Variants in STK24 observed in about 807,000 individuals in gnomAD.
STK24 encodes serine/threonine-protein kinase 24.
In STK24, 21 loss-of-function variants were observed where a neutral mutation model predicts 55.6. The ratio of observed to expected loss-of-function variants is 0.38; its 90% CI spans 0.27 to 0.54. STK24 has a LOEUF of 0.54. Among genes scored for constraint, STK24 ranks in the 20% least tolerant of loss-of-function variants. The pLI is 0.79. For missense variants in STK24, 383 were observed against 538.4 expected (o/e 0.71, Z 2.86); for synonymous variants, 200 against 215.2 (o/e 0.93, Z 0.62).
chr13:98,474,752 G>T, intron 5 of STK24, 69 bp downstream of exon 5: 1 of 1,519,958 alleles, frequency 6.6e-7, no homozygotes. Context: ...AAGCTACCAG[G>T]CTAAAGAACA....
intron 1 of STK24, among the ~76,000 whole-genome samples, chr13:98,541,110 A>T (rs1896878082): frequency 6.6e-6 from 1 of 152,238 alleles, no homozygotes; most frequent in African/African-American, 2.4e-5. Context: ...CCTTAGTTAT[A>T]GACTAAGAGA....
Position 98,445,339 on chromosome 13 carries a change from G to T in STK24, c.*7834C>A, listed in dbSNP as rs895849911. 1 of 152,278 alleles carries T rather than the reference G, an allele frequency of 6.6e-6. No individual in the cohort carries two copies. Among genetic ancestry groups the T allele is most frequent in the African/African-American group, 2.4e-5 (1 of 41,468 alleles). 9.4% of individuals were successfully genotyped at this position (152,278 alleles called of 1,614,324 possible). A position where few individuals can be genotyped will look rare whatever the true frequency, so the allele number is the denominator to read the frequency against. ...GCTGGTGATGTCACTTTGGCAAAGG[G>T]ACGAAATGAGCCACCAGTGCGTCAG... On this transcript the variant is annotated 3_prime_UTR_variant, in exon 11 of 11. Coordinates refer to ENST00000539966, the MANE Select transcript of STK24 (RefSeq NM_001032296.4).
At chr13:98,537,076 A>G (rs1434507262) in intron 1 of STK24, among the ~76,000 whole-genome samples, 1 of 152,176 alleles carries the variant, frequency 6.6e-6, no homozygotes, top group Admixed American at 6.5e-5. Context: ...TCACCCAGGG[A>G]GAGAGCCAGG....
rs1348117880 is a variant in STK24 at position 98,535,370 on chromosome 13, A to ATATAT, written c.43-15898_43-15897insATATA. ...CAAACAAACAAACAAACAAAAAAAA[A>ATATAT]ATATATATATATATATATATGTGTG... On this transcript the variant is annotated intron_variant, in intron 1 of 10. Transcript: ENST00000539966. Among the ~76,000 whole-genome samples, 54 of 55,950 alleles carry ATATAT rather than the reference A, an allele frequency of 9.7e-4. 2 individuals are homozygous for ATATAT. Among genetic ancestry groups the ATATAT allele is most frequent in the Middle Eastern group, 9.1e-3 (1 of 110 alleles). 36.7% of individuals were successfully genotyped at this position (55,950 alleles called of 152,430 possible).
intron 2 of STK24, among the ~76,000 whole-genome samples, chr13:98,506,343 T>C (rs756012337): frequency 4.6e-5 from 7 of 152,154 alleles, no homozygotes; most frequent in Non-Finnish European, 8.8e-5. Flanking sequence ...GACAGCTGGA[T>C]TCCTAATAAC....
At chr13:98,571,518 G>C (rs1184831508) in intron 1 of STK24, among the ~76,000 whole-genome samples, 9 of 152,054 alleles carry the variant, frequency 5.9e-5, no homozygotes, top group South Asian at 4.2e-4. Flanking sequence ...CCAAAAGTTT[G>C]GGTTTTTCTA....
chr13:98,523,907 C>A (rs189036310), intron 1 of STK24, among the ~76,000 whole-genome samples: 122 of 152,322 alleles, frequency 8.0e-4, no homozygotes, highest in Non-Finnish European at 1.1e-3. Flanking sequence ...TAGGTCAGAA[C>A]TGCTGCAGCC....
Position 98,448,269 on chromosome 13 carries a change from T to G in STK24, c.*4904A>C. On this transcript the variant is annotated 3_prime_UTR_variant, in exon 11 of 11. Transcript: ENST00000539966. ...AAGTGATCCGCAGTGCCACCAGCTCTGCCTCGCGACCCCACGTGTTGAGTC... is the reference window on the plus strand; with the variant it reads ...AAGTGATCCGCAGTGCCACCAGCTCGGCCTCGCGACCCCACGTGTTGAGTC... 1 of 1,614,174 alleles carries G rather than the reference T, an allele frequency of 6.2e-7. No homozygotes were observed. Among genetic ancestry groups the G allele is most frequent in the Non-Finnish European group, 8.5e-7 (1 of 1,179,978 alleles).
rs1410371099 is a variant in STK24, at chr13:98,450,941, C to G, written c.*2232G>C. The G allele has an allele frequency of 6.6e-6, 1 of 152,234 alleles. No homozygotes were observed. The highest frequency in any genetic ancestry group is 1.5e-5 in the Non-Finnish European group (1 of 68,064). The allele number at this position is 152,234 out of a possible 1,614,324, so 9.4% of individuals were successfully genotyped here. ...GCTTTCTAACTCCATCAAACCCCAC[C>G]TCCCCCGACAGGAAATGCTGCCAGT... is the stretch of plus-strand genomic sequence containing the variant. On this transcript the variant is annotated 3_prime_UTR_variant, in exon 11 of 11. Coordinates refer to ENST00000539966, the MANE Select transcript of STK24 (RefSeq NM_001032296.4).
intron 5 of STK24, among the ~76,000 whole-genome samples, chr13:98,469,204 C>T (rs1299215459): frequency 1.3e-5 from 2 of 152,314 alleles, no homozygotes; most frequent in Admixed American, 6.5e-5. Flanking sequence ...ACGCAACCCA[C>T]GTATCAGTCT....
chr13:98,542,853 C>T (rs1476035047), intron 1 of STK24: 8 of 979,542 alleles, frequency 8.2e-6, no homozygotes, highest in Admixed American at 6.4e-5. Context: ...CCTGTATGTC[C>T]GTAAGAGGTC....
rs532915649 is a variant in STK24 at position 98,484,243 on chromosome 13, G to A, written c.274-1922C>T. On this transcript the variant is annotated intron_variant, in intron 2 of 10. Coordinates refer to ENST00000539966, the MANE Select transcript of STK24 (RefSeq NM_001032296.4). ...CTGGGGAATGGGTATGCCACAGTAA[G>A]CTCTTCCAGGAAAACACCAGTATCT... Among the ~76,000 whole-genome samples, 10 of 152,304 alleles carry A rather than the reference G, an allele frequency of 6.6e-5. No homozygotes were observed. The East Asian group carries it at 1.7e-3, about 26-fold the overall frequency.
chr13:98,461,416 T>C (rs1294532332), intron 8 of STK24, among the ~76,000 whole-genome samples: 2 of 152,190 alleles, frequency 1.3e-5, no homozygotes, highest in Non-Finnish European at 2.9e-5. Context: ...CACAAAATTA[T>C]GATATGTATG....
At chr13:98,524,920 C>T (rs993506198) in intron 1 of STK24, among the ~76,000 whole-genome samples, 1 of 152,248 alleles carries the variant, frequency 6.6e-6, no homozygotes, top group Non-Finnish European at 1.5e-5. Context: ...TGCTCAAGCA[C>T]GGCGACTTTC....
At position 98,457,316 on chromosome 13, in the gene STK24, CGAACAG is replaced by C. The variant is rs761329948; in HGVS notation, c.1123-18_1123-13del. 6.2e-7 allele frequency: 1 copy of C among 1,613,974 alleles called. No homozygotes were observed. On this transcript the variant is annotated splice_polypyrimidine_tract_variant and intron_variant, in intron 9 of 10. Transcript: ENST00000539966. ...CTCTTCTCCTTCAACTGAAAACACA[CGAACAG>C]GAAGAATGGCATGAAGCACACCAGC... is the stretch of plus-strand genomic sequence containing the variant.
intron 1 of STK24, among the ~76,000 whole-genome samples, chr13:98,546,179 C>T (rs1161830475): frequency 1.3e-5 from 2 of 152,168 alleles, no homozygotes; most frequent in Admixed American, 6.5e-5. Flanking sequence ...ATGCCTAGTG[C>T]CACCCCCACT....
intron 1 of STK24, among the ~76,000 whole-genome samples, chr13:98,575,600 G>A (rs1284044963): frequency 1.3e-5 from 2 of 152,184 alleles, no homozygotes; most frequent in African/African-American, 2.4e-5. Context: ...GCAGACCCCA[G>A]AGGCAGTCCC....
chr13:98,576,892 G>C lies in STK24; in HGVS notation c.-106C>G. 93 of 645,438 alleles carry C rather than the reference G, an allele frequency of 1.4e-4. No individual in the cohort carries two copies. Among genetic ancestry groups the C allele is most frequent in the Non-Finnish European group, 1.6e-4 (85 of 524,134 alleles). The allele number at this position is 645,438 out of a possible 1,614,324, so 40.0% of individuals were successfully genotyped here. The stretch of plus-strand genomic sequence containing the variant: ...GCGCAGCCCTCGGGCGGCGGGGCCG[G>C]CCGGAGCCCGAGGCCACCCCAGCCC... On this transcript the variant is annotated 5_prime_UTR_variant, in exon 1 of 11. Coordinates refer to ENST00000539966, the MANE Select transcript of STK24 (RefSeq NM_001032296.4).
chr13:98,549,205 T>TA (rs528966451), intron 1 of STK24, among the ~76,000 whole-genome samples: 38 of 152,338 alleles, frequency 2.5e-4, no homozygotes, highest in Non-Finnish European at 4.6e-4. Flanking sequence ...ACTTCTGTCT[T>TA]AGTCAGCTCA....
Sources: gnomAD v4.1 joint callset for allele counts (sites outside exome capture counted in the v4.1 genomes callset) on GRCh38, gnomAD v4.1.1 for gene constraint, MANE v1.5 for transcripts, NCBI Gene and HGNC (gene_info 2026-07-23, HGNC 2026-07-21) for gene names.